The following ZDHHC20 variants were observed in gnomAD, a reference collection of about 807,000 sequenced individuals.
ZDHHC20 encodes the protein zDHHC palmitoyltransferase 20.
ZDHHC20 carries 43 observed loss-of-function variants against 57.8 expected under a neutral mutation model. The ratio of observed to expected loss-of-function variants is 0.74; its 90% CI spans 0.58 to 0.96. ZDHHC20 has a LOEUF of 0.96. ZDHHC20 is among the 40% of genes least tolerant of loss of function. The probability of loss-of-function intolerance (pLI) is 0.00; values close to 1 mark genes in which losing one functional copy is unlikely to be tolerated. For missense variants in ZDHHC20, 391 were observed against 441.1 expected (o/e 0.89, Z 1.02); for synonymous variants, 157 against 153.0 (o/e 1.03, Z -0.19).
At chr13:21,448,192 G>GC (rs1191973611) in intron 1 of ZDHHC20, among the ~76,000 whole-genome samples, 1 of 95,082 alleles carries the variant, frequency 1.1e-5, no homozygotes. Flanking sequence ...GAGGGAGGTG[G>GC]GGGGGGTCAG....
At chr13:21,380,871 T>C (rs1873251778) in intron 11 of ZDHHC20, among the ~76,000 whole-genome samples, 1 of 152,056 alleles carries the variant, frequency 6.6e-6, no homozygotes, top group Admixed American at 6.6e-5. Context: ...GAGAAATATG[T>C]GGCTGGGTTA....
chr13:21,440,069 A>G (rs1281958952), intron 1 of ZDHHC20, among the ~76,000 whole-genome samples: 6 of 16,218 alleles, frequency 3.7e-4, no homozygotes, highest in South Asian at 9.3e-4. Flanking sequence ...TGTTTCTCAG[A>G]AAAAAAAAAA....
intron 9 of ZDHHC20, among the ~76,000 whole-genome samples, chr13:21,385,050 C>T (rs1874204502): frequency 6.6e-6 from 1 of 151,838 alleles, no homozygotes; most frequent in Non-Finnish European, 1.5e-5. Context: ...ATAAATGTAC[C>T]TGTGAATTAA....
In ZDHHC20 at chr13:21,459,104, G is replaced by T; in HGVS notation, c.68C>A (p.Thr23Asn). The stretch of plus-strand genomic sequence containing the variant: ...GTAGTAGGACCAGACGACCACGAAG[G>T]TGATGAAGAGCACCGGCACCCAGCC... ...VVGWVPVLFI[T>N]FVVVWSYYAY... Residue 23 changes from threonine (T) to asparagine (N), a missense_variant, in exon 1 of 13, where the codon ACC becomes AAC. Transcript: ENST00000400590. 3 of 1,607,266 alleles carry T rather than the reference G, an allele frequency of 1.9e-6. No homozygotes were observed. The highest frequency in any genetic ancestry group is 8.5e-7 in the Non-Finnish European group (1 of 1,177,436).
chr13:21,456,267 G>T (rs537746748), intron 1 of ZDHHC20, among the ~76,000 whole-genome samples: 90 of 152,164 alleles, frequency 5.9e-4, no homozygotes, highest in African/African-American at 2.1e-3. Context: ...AAAATTAGCT[G>T]GGCATGGTGG....
chr13:21,415,984 C>T (rs1276761402), intron 3 of ZDHHC20, among the ~76,000 whole-genome samples: 1 of 151,722 alleles, frequency 6.6e-6, no homozygotes, highest in Non-Finnish European at 1.5e-5. Context: ...TGGTGGATCA[C>T]GAGGTCAGGA....
chr13:21,412,733 C>G (rs958353098), intron 4 of ZDHHC20, among the ~76,000 whole-genome samples: 2 of 151,910 alleles, frequency 1.3e-5, no homozygotes, highest in African/African-American at 4.8e-5. Context: ...CTTTGGGAGG[C>G]CAAAGTGGGC....
At chr13:21,438,601 G>A (rs1165482913) in intron 1 of ZDHHC20, among the ~76,000 whole-genome samples, 1 of 152,156 alleles carries the variant, frequency 6.6e-6, no homozygotes, top group Non-Finnish European at 1.5e-5. Flanking sequence ...ATCTATACCT[G>A]GTGAAGATAC....
At position 21,402,865 on chromosome 13, in the gene ZDHHC20, A is replaced by G; in HGVS notation, c.372T>C (p.Thr124=). 1 of 1,587,658 alleles carries G rather than the reference A, an allele frequency of 6.3e-7. No individual in the cohort carries two copies. The highest frequency in any genetic ancestry group is 8.6e-7 in the Non-Finnish European group (1 of 1,165,898). ...LPIYTTSASK[T]IRYCEKCQLI... ...GCTGACATTTTTCACAATATCTGAT[A>G]GCTACATGAAAGAAGTAAAAGGAAG... Residue 124 remains threonine (T), a splice_region_variant and synonymous_variant, in exon 5 of 13, where the codon ACT becomes ACC. Transcript: ENST00000400590.
At chr13:21,390,272 T>C (rs1367499829) in intron 8 of ZDHHC20, 1 of 152,218 alleles carries the variant, frequency 6.6e-6, no homozygotes, top group Non-Finnish European at 1.5e-5. Flanking sequence ...CCTTATTTTG[T>C]GTCTTGGTTA....
At chr13:21,395,403 T>C (rs1360405189) in intron 7 of ZDHHC20, among the ~76,000 whole-genome samples, 2 of 151,408 alleles carry the variant, frequency 1.3e-5, no homozygotes. Context: ...TGACCTTCGG[T>C]AGTTGCATAA....
At chr13:21,432,324 C>T (rs1477234495) in intron 1 of ZDHHC20, among the ~76,000 whole-genome samples, 2 of 147,198 alleles carry the variant, frequency 1.4e-5, no homozygotes, top group Non-Finnish European at 3.0e-5. Flanking sequence ...ACCACAGTGT[C>T]CCACTAATTT....
intron 8 of ZDHHC20, among the ~76,000 whole-genome samples, chr13:21,387,867 A>G (rs1874859757): frequency 6.6e-6 from 1 of 152,202 alleles, no homozygotes; most frequent in South Asian, 2.1e-4. Context: ...AATAATTATC[A>G]AATATTACTG....
In ZDHHC20 at chr13:21,401,690, GAAAC is replaced by G. The variant is rs1877655805; in HGVS notation, c.441-9_441-6del. 1.3e-6 allele frequency: 2 copies of G among 1,505,910 alleles called. No homozygotes were observed. The highest frequency in any genetic ancestry group is 2.8e-5 in the African/African-American group (2 of 70,610). 93.3% of individuals were successfully genotyped at this position (1,505,910 alleles called of 1,614,324 possible). On this transcript the variant is annotated splice_polypyrimidine_tract_variant and splice_region_variant and intron_variant, in intron 5 of 12. Coordinates refer to ENST00000400590, the MANE Select transcript of ZDHHC20 (RefSeq NM_001330059.2). ...TGATCCATCTTAAGAATACATCTAG[GAAAC>G]AAACAAGCATAAGAAAATCCATGCA... is the stretch of plus-strand genomic sequence containing the variant.
chr13:21,381,248 C>T (rs1234795390), intron 11 of ZDHHC20, among the ~76,000 whole-genome samples, 186 bp downstream of exon 11: 5 of 152,232 alleles, frequency 3.3e-5, no homozygotes, highest in South Asian at 4.1e-4. Context: ...CTTTGTGATC[C>T]ACCCGCCTCG....
chr13:21,414,139 A>G (rs982410107), intron 3 of ZDHHC20, among the ~76,000 whole-genome samples: 11 of 152,228 alleles, frequency 7.2e-5, no homozygotes, highest in Non-Finnish European at 1.5e-4. Flanking sequence ...AAGAATGTCC[A>G]AAGATTTACT....
chr13:21,385,450 T>A (rs113918866), intron 9 of ZDHHC20, among the ~76,000 whole-genome samples: 6 of 152,212 alleles, frequency 3.9e-5, no homozygotes, highest in East Asian at 1.9e-4. Context: ...ATAAATATTT[T>A]AAAAATCTTA....
Position 21,375,772 on chromosome 13 carries a change from C to G in ZDHHC20, c.*924G>C, listed in dbSNP as rs893320618. 3.3e-5 allele frequency: 5 copies of G among 152,264 alleles called. No homozygotes were observed. Among genetic ancestry groups the G allele is most frequent in the African/African-American group, 1.2e-4 (5 of 41,454 alleles). The allele number at this position is 152,264 out of a possible 1,614,324, so 9.4% of individuals were successfully genotyped here. ...AGTGAAGTCAACAGCATGCTTTATT[C>G]TAACTGCTGTTAAAACTCAAAACTA... On this transcript the variant is annotated 3_prime_UTR_variant, in exon 13 of 13. Coordinates refer to ENST00000400590, the MANE Select transcript of ZDHHC20 (RefSeq NM_001330059.2).
chr13:21,406,256 C>G (rs1251276134), intron 4 of ZDHHC20, among the ~76,000 whole-genome samples: 2 of 152,168 alleles, frequency 1.3e-5, no homozygotes, highest in Non-Finnish European at 2.9e-5. Flanking sequence ...GACATCTTCT[C>G]TTTTTCAAAT....
Sources: allele counts gnomAD v4.1 joint callset (sites outside exome capture counted in the v4.1 genomes callset), GRCh38; gene constraint gnomAD v4.1.1; transcripts MANE v1.5; gene names NCBI Gene and HGNC (gene_info 2026-07-23, HGNC 2026-07-21).